ZFHX4: variants seen among roughly 807,000 people sequenced by gnomAD.
ZFHX4 encodes zinc finger homeobox protein 4.
A neutral mutation model predicts 267.6 loss-of-function variants in ZFHX4; 56 were observed. The observed-to-expected ratio is 0.21, with a 90% CI of 0.17 to 0.26. The LOEUF (loss-of-function observed/expected upper bound fraction) is 0.26, where lower values mean the gene tolerates loss of function less well. Among genes scored for constraint, ZFHX4 ranks in the 10% least tolerant of loss-of-function variants. ZFHX4 has a pLI of 1.00. For synonymous variants in ZFHX4, 1,778 were observed against 1,665.6 expected, an observed-to-expected ratio of 1.07 and a Z score of -1.64; for missense variants, 4,332 against 4,420.0, an observed-to-expected ratio of 0.98 and a Z score of 0.56.
chr8:76,752,885 G>A (rs763628758), intron 3 of ZFHX4, among the ~76,000 whole-genome samples: 4 of 151,926 alleles, frequency 2.6e-5, no homozygotes, highest in Non-Finnish European at 4.4e-5. Context: ...TTACTTTTTC[G>A]TGAATTGTAC....
In ZFHX4 at chr8:76,842,670, A is replaced by T. The variant is rs992146847; in HGVS notation, c.3410A>T (p.Glu1137Val). The T allele has an allele frequency of 5.2e-6, 8 of 1,551,618 alleles. No individual in the cohort carries two copies. The African/African-American group carries it at 1.1e-4, about 21-fold the overall frequency. ...TTCTTAACAGAAGAACAAAGTGAGG[A>T]GGCAGAAGGAGCTATTAAGCCTACA... ...LRSTSEEQSEEAEGAIKPTAV... is the reference protein window; with the variant it reads ...LRSTSEEQSEVAEGAIKPTAV... The change falls in exon 6 of 11, where the codon GAG becomes GTG. Residue 1137 changes from glutamate (E) to valine (V), a missense_variant. Transcript: ENST00000651372.
chr8:76,732,916 G>A (rs370974093), intron 3 of ZFHX4, among the ~76,000 whole-genome samples: 1 of 152,164 alleles, frequency 6.6e-6, no homozygotes, highest in East Asian at 1.9e-4. Flanking sequence ...TGGCATGCAA[G>A]CTGCTTTTCT....
chr8:76,794,699 T>G (rs1810925499), intron 4 of ZFHX4, among the ~76,000 whole-genome samples: 1 of 152,212 alleles, frequency 6.6e-6, no homozygotes, highest in African/African-American at 2.4e-5. Context: ...TAGTTTAACC[T>G]AAGTACAAAA....
chr8:76,702,077 T>C (rs1375194360), intron 1 of ZFHX4, among the ~76,000 whole-genome samples: 1 of 152,184 alleles, frequency 6.6e-6, no homozygotes, highest in Non-Finnish European at 1.5e-5. Flanking sequence ...TTAATGTTTA[T>C]GGACTAATTA....
At chr8:76,775,690 C>T (rs1452028154) in intron 3 of ZFHX4, among the ~76,000 whole-genome samples, 1 of 152,138 alleles carries the variant, frequency 6.6e-6, no homozygotes, top group Non-Finnish European at 1.5e-5. Flanking sequence ...ACTTCCTCTG[C>T]ACCAGAGAAG....
At chr8:76,859,299 T>C (rs1171540683) in intron 10 of ZFHX4, among the ~76,000 whole-genome samples, 4 of 152,190 alleles carry the variant, frequency 2.6e-5, no homozygotes, top group Non-Finnish European at 4.4e-5. Flanking sequence ...AGCCCTGTGT[T>C]CAGTATCACT....
intron 3 of ZFHX4, among the ~76,000 whole-genome samples, chr8:76,742,759 T>A (rs964188393): frequency 2.6e-5 from 4 of 152,176 alleles, no homozygotes; most frequent in Non-Finnish European, 5.9e-5. Context: ...GATTTAATAG[T>A]CTGCACTTCC....
At position 76,852,797 on chromosome 8, in the gene ZFHX4, T is replaced by C; in HGVS notation, c.5876T>C (p.Leu1959Pro). Reference protein sequence around the residue: ...GTCGKLFSNVLILKSHQEHVH... With the variant: ...GTCGKLFSNVPILKSHQEHVH... The stretch of plus-strand genomic sequence containing the variant: ...TGTGGTAAATTGTTTTCCAATGTTC[T>C]TATTTTAAAGAGTCACCAAGAACAT... The change falls in exon 10 of 11, where the codon CTT becomes CCT. Residue 1959 changes from leucine to proline, a missense_variant. Around this residue, in one of 7 missense-constraint regions of ZFHX4, gnomAD observed 1,371 missense variants for 1,423.1 expected, o/e 0.96. Coordinates refer to ENST00000651372, the MANE Select transcript of ZFHX4 (RefSeq NM_024721.5). 1 of 1,613,508 alleles carries C rather than the reference T, an allele frequency of 6.2e-7. No homozygotes were observed. Among genetic ancestry groups the C allele is most frequent in the Non-Finnish European group, 8.5e-7 (1 of 1,179,724 alleles).
intron 3 of ZFHX4, among the ~76,000 whole-genome samples, chr8:76,776,875 C>T (rs770672419): frequency 2.2e-4 from 33 of 151,922 alleles, no homozygotes; most frequent in Non-Finnish European, 4.6e-4. Flanking sequence ...AAAGGCTCAC[C>T]AGCTAGTTAT....
chr8:76,753,628 C>T (rs1809681858), intron 3 of ZFHX4, among the ~76,000 whole-genome samples: 1 of 143,142 alleles, frequency 7.0e-6, no homozygotes, highest in South Asian at 2.2e-4. Flanking sequence ...TCGTCTTAGG[C>T]CTTTTTTTTT....
Position 76,728,377 on chromosome 8 carries a change from C to T in ZFHX4, c.3093+20329C>T, listed in dbSNP as rs557863985. On this transcript the variant is annotated intron_variant, in intron 3 of 10. Coordinates refer to ENST00000651372, the MANE Select transcript of ZFHX4 (RefSeq NM_024721.5). Reference sequence around the variant, plus strand: ...GAAAATCTCCAAACCTCATTTTAGCCACTGGTTTCCAATATCTTCCTTTTC... The same window carrying T: ...GAAAATCTCCAAACCTCATTTTAGCTACTGGTTTCCAATATCTTCCTTTTC... 9.2e-5 allele frequency among the ~76,000 whole-genome samples: 14 copies of T among 152,248 alleles called. No homozygotes were observed. The East Asian group carries it at 2.7e-3, about 29-fold the overall frequency.
At chr8:76,693,280 TG>T (rs1209109378) in intron 1 of ZFHX4, 1 of 151,906 alleles carries the variant, frequency 6.6e-6, no homozygotes, top group Non-Finnish European at 1.5e-5. Context: ...ATCTAGGTAC[TG>T]AAAAAAAAAT....
At chr8:76,754,495 AC>A (rs111541746) in intron 3 of ZFHX4, among the ~76,000 whole-genome samples, 45,087 of 151,050 alleles carry the variant, frequency 0.3, 9,686 homozygotes, top group African/African-American at 0.61. Context: ...TCTCAAAAAA[AC>A]AAAACAAAAA....
intron 1 of ZFHX4, among the ~76,000 whole-genome samples, chr8:76,692,105 T>C (rs1363049927): frequency 6.6e-6 from 1 of 152,136 alleles, no homozygotes; most frequent in Non-Finnish European, 1.5e-5. Flanking sequence ...GGTTTGGTCC[T>C]AAGGGGCTTC....
chr8:76,829,174 G>T, intron 4 of ZFHX4, among the ~76,000 whole-genome samples: 1 of 150,798 alleles, frequency 6.6e-6, no homozygotes, highest in Non-Finnish European at 1.5e-5. Context: ...ATAATTCTCT[G>T]CATAAATATC....
intron 4 of ZFHX4, among the ~76,000 whole-genome samples, chr8:76,779,487 G>A (rs913639550): frequency 1.3e-5 from 2 of 152,010 alleles, no homozygotes; most frequent in Non-Finnish European, 2.9e-5. Flanking sequence ...AATCAAATCA[G>A]CATCAGTGAA....
At chr8:76,763,216 T>C (rs772271281) in intron 3 of ZFHX4, among the ~76,000 whole-genome samples, 3 of 139,968 alleles carry the variant, frequency 2.1e-5, no homozygotes, top group African/African-American at 9.3e-5. Flanking sequence ...CATCCTGCCG[T>C]ACTTGGGCTG....
chr8:76,763,238 TAGCTC>T (rs1809964262), intron 3 of ZFHX4, among the ~76,000 whole-genome samples: 1 of 83,266 alleles, frequency 1.2e-5, no homozygotes, highest in African/African-American at 1.1e-4. Flanking sequence ...TCCCGTCTGA[TAGCTC>T]CAGGTTTCCA....
intron 4 of ZFHX4, among the ~76,000 whole-genome samples, chr8:76,796,205 G>T (rs1409565104): frequency 3.3e-5 from 5 of 151,980 alleles, no homozygotes; most frequent in Non-Finnish European, 1.5e-5. Context: ...TTTGAAAATA[G>T]AAATTTATAA....
Sources: gnomAD v4.1 joint callset for allele counts (sites outside exome capture counted in the v4.1 genomes callset) on GRCh38, gnomAD v4.1.1 for gene constraint, gnomAD v4.1.1 regional missense constraint, MANE v1.5 for transcripts, NCBI Gene and HGNC (gene_info 2026-07-23, HGNC 2026-07-21) for gene names.